Variants in SLC5A1 observed in about 807,000 individuals in gnomAD.
SLC5A1 encodes the protein solute carrier family 5 member 1, also known as sodium/glucose cotransporter 1.
In SLC5A1, 42 loss-of-function variants were observed where a neutral mutation model predicts 73.5. That is an observed-to-expected ratio of 0.57 (90% CI 0.45 to 0.74). The LOEUF is 0.74. Among genes scored for constraint, SLC5A1 ranks in the 30% least tolerant of loss-of-function variants. SLC5A1 has a pLI of 0.00. For missense variants in SLC5A1, 634 were observed against 855.4 expected, an observed-to-expected ratio of 0.74 and a Z score of 3.23; for synonymous variants, 300 against 317.4, an observed-to-expected ratio of 0.95 and a Z score of 0.58.
chr22:32,074,707 T>G (rs1352165331), intron 5 of SLC5A1, among the ~76,000 whole-genome samples: 1 of 152,140 alleles, frequency 6.6e-6, no homozygotes, highest in African/African-American at 2.4e-5. Context: ...ATGATATTAG[T>G]GGAGGCCATG....
At chr22:32,057,104 A>T (rs2093953030) in intron 2 of SLC5A1, among the ~76,000 whole-genome samples, 1 of 152,238 alleles carries the variant, frequency 6.6e-6, no homozygotes, top group Admixed American at 6.5e-5. Flanking sequence ...AACCAAGATT[A>T]GAACCAGGTT....
intron 5 of SLC5A1, among the ~76,000 whole-genome samples, chr22:32,072,377 C>T (rs1025816049): frequency 6.6e-6 from 1 of 152,156 alleles, no homozygotes; most frequent in Non-Finnish European, 1.5e-5. Flanking sequence ...ATCCATGGTG[C>T]TGCAAAGGAT....
chr22:32,059,850 G>T (rs555516953), intron 2 of SLC5A1, among the ~76,000 whole-genome samples: 3 of 151,992 alleles, frequency 2.0e-5, no homozygotes, highest in Admixed American at 2.0e-4. Context: ...TCATAACTTT[G>T]CTGCGGCCTG....
intron 2 of SLC5A1, chr22:32,059,082 T>G: frequency 3.0e-6 from 3 of 985,138 alleles, no homozygotes; most frequent in Non-Finnish European, 3.6e-6. Flanking sequence ...TGTCCTCTGT[T>G]AAGTGGAAGC....
chr22:32,059,666 A>G (rs2093957352), intron 2 of SLC5A1, among the ~76,000 whole-genome samples: 1 of 152,046 alleles, frequency 6.6e-6, no homozygotes, highest in African/African-American at 2.4e-5. Flanking sequence ...TTCACGCCAC[A>G]GCTGAGAGGT....
At chr22:32,084,010 G>T (rs1452277829) in intron 7 of SLC5A1, among the ~76,000 whole-genome samples, 1 of 152,150 alleles carries the variant, frequency 6.6e-6, no homozygotes, top group Non-Finnish European at 1.5e-5. Flanking sequence ...TGGGTCTGAG[G>T]TCCCAAAGGC....
At position 32,092,934 on chromosome 22, in the gene SLC5A1, G is replaced by A. The variant is rs554855780; in HGVS notation, c.1280+1172G>A. Among the ~76,000 whole-genome samples the A allele has an allele frequency of 2.0e-5, 3 of 152,262 alleles. No individual in the cohort carries two copies. In the East Asian group the frequency reaches 5.8e-4, roughly 29 times the overall value. ...ATCTTCTAGAATTTTTATAGTTTCA[G>A]GTCTTAGATTTAAGTCCTTGAATTA... is the stretch of plus-strand genomic sequence containing the variant. On this transcript the variant is annotated intron_variant, in intron 11 of 14. Coordinates refer to ENST00000266088, the MANE Select transcript of SLC5A1 (RefSeq NM_000343.4).
intron 11 of SLC5A1, among the ~76,000 whole-genome samples, chr22:32,095,473 C>G (rs1053469827): frequency 5.9e-5 from 9 of 152,152 alleles, no homozygotes; most frequent in African/African-American, 2.2e-4. Flanking sequence ...GTGTTGCTTT[C>G]TATCTTATTT....
intron 10 of SLC5A1, 30 bp downstream of exon 10, chr22:32,086,357 G>T (rs1271889430): frequency 6.8e-7 from 1 of 1,470,370 alleles, no homozygotes; most frequent in Non-Finnish European, 9.5e-7. Context: ...GGTTGGTAGA[G>T]TCTTTCTTGG....
intron 1 of SLC5A1, among the ~76,000 whole-genome samples, chr22:32,048,754 C>T (rs980835986): frequency 6.6e-6 from 1 of 152,122 alleles, no homozygotes; most frequent in African/African-American, 2.4e-5. Flanking sequence ...AAGTCCTCCC[C>T]TTCCTCTATA....
intron 5 of SLC5A1, among the ~76,000 whole-genome samples, chr22:32,072,770 C>G (rs746024442): frequency 5.3e-5 from 8 of 152,154 alleles, no homozygotes; most frequent in Non-Finnish European, 1.0e-4. Flanking sequence ...TTGGTTCTTT[C>G]TTTAAAGGAA....
At chr22:32,073,151 TAG>T (rs1402348643) in intron 5 of SLC5A1, among the ~76,000 whole-genome samples, 1 of 152,224 alleles carries the variant, frequency 6.6e-6, no homozygotes, top group Non-Finnish European at 1.5e-5. Flanking sequence ...GTTTTCTCCT[TAG>T]AGTTTCATAG....
chr22:32,081,558 T>C (rs1309844000), intron 5 of SLC5A1, among the ~76,000 whole-genome samples: 3 of 152,174 alleles, frequency 2.0e-5, no homozygotes, highest in South Asian at 2.1e-4. Flanking sequence ...TAAGTGTTAA[T>C]AGCTGTTCCT....
chr22:32,068,525 G>T lies in SLC5A1; in HGVS notation c.402G>T (p.Lys134Asn). 6.2e-7 allele frequency: 1 copy of T among 1,614,056 alleles called. No individual in the cohort carries two copies. The highest frequency in any genetic ancestry group is 1.1e-5 in the South Asian group (1 of 91,072). The change falls in exon 5 of 15, where the codon AAG becomes AAT. Residue 134 changes from lysine to asparagine, a missense_variant. Physicochemically the swap from Lys to Asn is moderately conservative, Grantham distance 94. Around this residue, in one of 3 missense-constraint regions of SLC5A1, gnomAD observed 422 missense variants for 626.1 expected, o/e 0.67. Coordinates refer to ENST00000266088, the MANE Select transcript of SLC5A1 (RefSeq NM_000343.4). ...TGACAATGCCAGAGTACCTGAGGAA[G>T]CGGTTTGGAGGCCAGCGGATCCAGG... The part of the protein sequence containing the change: ...GVVTMPEYLR[K>N]RFGGQRIQVY...
intron 4 of SLC5A1, among the ~76,000 whole-genome samples, 195 bp downstream of exon 4, chr22:32,068,221 AG>A (rs2093977269): frequency 6.6e-6 from 1 of 152,136 alleles, no homozygotes; most frequent in Admixed American, 6.6e-5. Flanking sequence ...CTCCAGGGCA[AG>A]GGTCTGGCTC....
chr22:32,056,326 G>A (rs936887762), intron 2 of SLC5A1, among the ~76,000 whole-genome samples: 1 of 151,930 alleles, frequency 6.6e-6, no homozygotes, highest in Admixed American at 6.6e-5. Context: ...TGACCAGTCT[G>A]TGTTTTAAGT....
intron 10 of SLC5A1, among the ~76,000 whole-genome samples, chr22:32,088,336 CTTTT>C (rs5844962): frequency 2.2e-5 from 3 of 134,728 alleles, no homozygotes; most frequent in Admixed American, 7.7e-5. Context: ...TACTGCATTC[CTTTT>C]TTTTTTTTTT....
intron 12 of SLC5A1, among the ~76,000 whole-genome samples, chr22:32,100,138 G>A (rs948890686): frequency 4.6e-5 from 7 of 152,166 alleles, no homozygotes; most frequent in Non-Finnish European, 8.8e-5. Flanking sequence ...TGAAGGACTT[G>A]TATGGAATCT....
intron 10 of SLC5A1, among the ~76,000 whole-genome samples, chr22:32,090,311 C>A (rs955202496): frequency 2.0e-5 from 3 of 152,074 alleles, no homozygotes; most frequent in Non-Finnish European, 2.9e-5. Flanking sequence ...TATTTCACCC[C>A]AACCTCCCAG....
Sources: allele counts gnomAD v4.1 joint callset (sites outside exome capture counted in the v4.1 genomes callset), GRCh38; gene constraint gnomAD v4.1.1; regional missense constraint gnomAD v4.1.1; transcripts MANE v1.5; gene names NCBI Gene and HGNC (gene_info 2026-07-23, HGNC 2026-07-21).